Variants in THADA observed in about 807,000 individuals in gnomAD.
THADA encodes THADA armadillo repeat containing.
In THADA, 213 loss-of-function variants were observed where a neutral mutation model predicts 219.8. The ratio of observed to expected loss-of-function variants is 0.97; its 90% CI spans 0.87 to 1.09. The LOEUF is 1.09. Among genes scored for constraint, THADA ranks in the 50% least tolerant of loss-of-function variants. The pLI is 0.00. For missense variants in THADA, 2,956 were observed against 2,311.3 expected (o/e 1.28, Z -5.72); for synonymous variants, 1,018 against 828.9 (o/e 1.23, Z -3.92).
chr2:43,546,288 C>G (rs12712891), intron 20 of THADA, among the ~76,000 whole-genome samples: 73 of 151,534 alleles, frequency 4.8e-4, no homozygotes, highest in African/African-American at 1.7e-3. Flanking sequence ...CTTTACTTCC[C>G]ACTACGTGGT....
chr2:43,434,240 A>T (rs1204072885), intron 26 of THADA, among the ~76,000 whole-genome samples: 10 of 152,236 alleles, frequency 6.6e-5, no homozygotes, highest in Admixed American at 6.5e-4. Context: ...TCACAGAGAA[A>T]CGTAGTGTGG....
chr2:43,519,907 T>A (rs527501692), intron 22 of THADA, among the ~76,000 whole-genome samples: 22 of 152,310 alleles, frequency 1.4e-4, no homozygotes, highest in Admixed American at 1.4e-3. Flanking sequence ...TCAATGAACC[T>A]TCTGTCTGCT....
intron 25 of THADA, among the ~76,000 whole-genome samples, chr2:43,488,750 T>C (rs527402093): frequency 1.3e-5 from 2 of 152,352 alleles, no homozygotes; most frequent in East Asian, 1.9e-4. Flanking sequence ...TCAAAAGAAC[T>C]GCCAAAGTGG....
Position 43,551,158 on chromosome 2 carries a change from T to C in THADA, c.2947+631A>G, listed in dbSNP as rs149301051. Among the ~76,000 whole-genome samples the C allele has an allele frequency of 1.2e-4, 19 of 152,338 alleles. No homozygotes were observed. In the East Asian group the frequency reaches 3.7e-3, roughly 29 times the overall value. On this transcript the variant is annotated intron_variant, in intron 19 of 37. Transcript: ENST00000405975. The stretch of plus-strand genomic sequence containing the variant: ...TTCAGCATATGGTTCAGTGAGTGTT[T>C]ATGATACAGTCAGTTTTTCTAATAC...
chr2:43,505,227 A>T (rs1468436350), intron 24 of THADA, among the ~76,000 whole-genome samples: 3 of 152,180 alleles, frequency 2.0e-5, no homozygotes, highest in Middle Eastern at 3.2e-3. Flanking sequence ...AAAATATCTT[A>T]TATAAGCTGG....
At position 43,571,989 on chromosome 2, in the gene THADA, C is replaced by T. The variant is rs1699355262; in HGVS notation, c.1909-127G>A. ...AACTTCAGTTCACCAATAGGTACCT[C>T]AGAAAGGTTTCCTAATCTCAAAGAT... On this transcript the variant is annotated intron_variant, in intron 12 of 37. Coordinates refer to ENST00000405975, the MANE Select transcript of THADA (RefSeq NM_022065.5). 35 of 758,802 alleles carry T rather than the reference C, an allele frequency of 4.6e-5. 1 individual carries two copies. The South Asian group carries it at 7.2e-4, about 16-fold the overall frequency. 47.0% of individuals were successfully genotyped at this position (758,802 alleles called of 1,614,324 possible). A position where few individuals can be genotyped will look rare whatever the true frequency, so the allele number is the denominator to read the frequency against.
chr2:43,511,332 GTGGGCCTCCCC>G (rs1292030710), intron 22 of THADA, among the ~76,000 whole-genome samples: 1 of 152,192 alleles, frequency 6.6e-6, no homozygotes, highest in South Asian at 2.1e-4. Flanking sequence ...TCAACTGTCA[GTGGGCCTCCCC>G]TGGGCCTCCC....
At chr2:43,465,916 G>T (rs961730853) in intron 26 of THADA, among the ~76,000 whole-genome samples, 1 of 152,166 alleles carries the variant, frequency 6.6e-6, no homozygotes, top group East Asian at 1.9e-4. Flanking sequence ...AATCCTCGCT[G>T]CTGTAAATGG....
intron 21 of THADA, among the ~76,000 whole-genome samples, chr2:43,534,922 C>A (rs1252230137): frequency 6.6e-6 from 1 of 152,134 alleles, no homozygotes; most frequent in African/African-American, 2.4e-5. Context: ...AATCTCCACA[C>A]TGTTCTCCAC....
intron 29 of THADA, among the ~76,000 whole-genome samples, chr2:43,361,325 C>T (rs1669498351): frequency 6.6e-6 from 1 of 152,176 alleles, no homozygotes; most frequent in Non-Finnish European, 1.5e-5. Flanking sequence ...CATGAGGTTG[C>T]CATGAAGTCT....
intron 36 of THADA, among the ~76,000 whole-genome samples, chr2:43,271,317 G>C (rs1462712803): frequency 6.6e-6 from 1 of 152,134 alleles, no homozygotes; most frequent in Non-Finnish European, 1.5e-5. Context: ...TCAGCTGTTT[G>C]AATTAATGTC....
intron 29 of THADA, among the ~76,000 whole-genome samples, chr2:43,368,062 G>C (rs1005429360): frequency 3.3e-5 from 5 of 152,114 alleles, no homozygotes; most frequent in African/African-American, 1.2e-4. Flanking sequence ...AGGTTGCAGT[G>C]AGCCGAGATC....
At chr2:43,406,809 C>T (rs1675588554) in intron 28 of THADA, among the ~76,000 whole-genome samples, 1 of 152,096 alleles carries the variant, frequency 6.6e-6, no homozygotes, top group African/African-American at 2.4e-5. Flanking sequence ...CCTCATGCAA[C>T]AGCTGGAAAA....
chr2:43,241,769 C>T (rs934479596), intron 36 of THADA, among the ~76,000 whole-genome samples: 3 of 152,024 alleles, frequency 2.0e-5, no homozygotes, highest in African/African-American at 4.8e-5. Flanking sequence ...GCCCTACTGC[C>T]TCCCATCGCG....
intron 36 of THADA, among the ~76,000 whole-genome samples, chr2:43,263,161 T>C (rs1671152438): frequency 6.6e-6 from 1 of 152,200 alleles, no homozygotes; most frequent in Non-Finnish European, 1.5e-5. Context: ...TTCCTGGGTA[T>C]ACACTAATCC....
intron 30 of THADA, among the ~76,000 whole-genome samples, chr2:43,337,072 T>C (rs1283789973): frequency 1.3e-5 from 2 of 152,168 alleles, no homozygotes; most frequent in African/African-American, 4.8e-5. Flanking sequence ...AAAAAAGAAA[T>C]GTAAATCCTC....
intron 14 of THADA, among the ~76,000 whole-genome samples, chr2:43,568,761 T>C (rs1306943527): frequency 6.6e-6 from 1 of 152,040 alleles, no homozygotes; most frequent in African/African-American, 2.4e-5. Context: ...TAATAATGTT[T>C]AGAATAGGTA....
At chr2:43,318,125 G>A (rs942734291) in intron 31 of THADA, among the ~76,000 whole-genome samples, 12 of 151,814 alleles carry the variant, frequency 7.9e-5, no homozygotes, top group African/African-American at 2.9e-4. Flanking sequence ...CTGCAGCCTC[G>A]AACTCCTGGG....
chr2:43,265,394 G>T (rs1671404912), intron 36 of THADA, among the ~76,000 whole-genome samples: 1 of 152,238 alleles, frequency 6.6e-6, no homozygotes. Context: ...GATTAGAGAG[G>T]TTAGAGAAAT....
Sources: gnomAD v4.1 joint callset for allele counts (sites outside exome capture counted in the v4.1 genomes callset) on GRCh38, gnomAD v4.1.1 for gene constraint, MANE v1.5 for transcripts, NCBI Gene and HGNC (gene_info 2026-07-23, HGNC 2026-07-21) for gene names.